CDH18: variants seen among roughly 807,000 people sequenced by gnomAD.
CDH18 encodes cadherin-18.
A neutral mutation model predicts 67.9 loss-of-function variants in CDH18; 31 were observed. That is an observed-to-expected ratio of 0.46 (90% CI 0.34 to 0.62). The LOEUF (loss-of-function observed/expected upper bound fraction) is 0.62, where lower values mean the gene tolerates loss of function less well. Ranked by LOEUF, CDH18 falls within the 20% of genes least tolerant of loss-of-function variation. The pLI is 0.01. For synonymous variants in CDH18, 362 were observed against 347.2 expected (o/e 1.04, Z -0.48); for missense variants, 890 against 975.5 (o/e 0.91, Z 1.17).
At chr5:19,719,933 GAAAGAAA>G (rs2150571951) in intron 5 of CDH18, among the ~76,000 whole-genome samples, 1 of 151,092 alleles carries the variant, frequency 6.6e-6, no homozygotes, top group East Asian at 1.9e-4. Context: ...AAGAAAGAAA[GAAAGAAA>G]GAAAGAAAGA....
chr5:20,151,303 T>G (rs1751078893), intron 2 of CDH18, among the ~76,000 whole-genome samples: 1 of 152,156 alleles, frequency 6.6e-6, no homozygotes, highest in Non-Finnish European at 1.5e-5. Flanking sequence ...CCATGTTTGC[T>G]GCAAAGAACA....
At chr5:19,560,056 G>A (rs1739181141) in intron 8 of CDH18, among the ~76,000 whole-genome samples, 2 of 151,834 alleles carry the variant, frequency 1.3e-5, no homozygotes, top group Admixed American at 1.3e-4. Flanking sequence ...CATAGATGGA[G>A]TCAATCAATA....
chr5:20,518,874 AT>A (rs1755542983), intron 1 of CDH18, among the ~76,000 whole-genome samples: 1 of 152,238 alleles, frequency 6.6e-6, no homozygotes, highest in Non-Finnish European at 1.5e-5. Context: ...AAGGATAAAG[AT>A]TAAATAGTTA....
intron 2 of CDH18, 46 bp from the exon 3 acceptor site, chr5:19,839,288 T>A (rs568382777): frequency 7.1e-5 from 24 of 335,712 alleles, no homozygotes; most frequent in African/African-American, 4.4e-4. Flanking sequence ...ACGGTTTTTT[T>A]AACTATTTGC....
At chr5:20,300,220 A>G (rs973794552) in intron 1 of CDH18, among the ~76,000 whole-genome samples, 7 of 151,958 alleles carry the variant, frequency 4.6e-5, no homozygotes, top group South Asian at 2.1e-4. Flanking sequence ...ATTCTCCCCA[A>G]TTTTGCTCAA....
intron 9 of CDH18, among the ~76,000 whole-genome samples, chr5:19,533,796 G>A (rs1386093700): frequency 6.6e-6 from 1 of 152,036 alleles, no homozygotes; most frequent in Non-Finnish European, 1.5e-5. Flanking sequence ...TATATAGGAT[G>A]GCACGGGAAT....
chr5:19,478,531 TTC>T (rs1432331033), intron 12 of CDH18: 1 of 152,192 alleles, frequency 6.6e-6, no homozygotes, highest in African/African-American at 2.4e-5. Flanking sequence ...TTCCATCTTC[TTC>T]TCTTAGTTCA....
intron 1 of CDH18, among the ~76,000 whole-genome samples, chr5:20,301,319 G>A (rs1316275876): frequency 6.6e-6 from 1 of 152,096 alleles, no homozygotes; most frequent in East Asian, 1.9e-4. Context: ...TTTAGTTTTA[G>A]AAAACAATTT....
At chr5:20,037,511 C>A (rs912551886) in intron 2 of CDH18, among the ~76,000 whole-genome samples, 1 of 152,110 alleles carries the variant, frequency 6.6e-6, no homozygotes, top group Non-Finnish European at 1.5e-5. Context: ...AACAGTCCCT[C>A]AGACCACAGT....
intron 3 of CDH18, among the ~76,000 whole-genome samples, chr5:19,836,131 A>T (rs1781596551): frequency 1.3e-5 from 2 of 152,198 alleles, no homozygotes; most frequent in Admixed American, 1.3e-4. Context: ...ATTTTAAGAA[A>T]TATGCATCAT....
chr5:19,551,966 A>T (rs1737528157), intron 8 of CDH18, among the ~76,000 whole-genome samples: 1 of 152,174 alleles, frequency 6.6e-6, no homozygotes, highest in Non-Finnish European at 1.5e-5. Flanking sequence ...TGGCCTCACA[A>T]GTGAATGAAT....
chr5:20,112,854 G>T (rs373774312), intron 2 of CDH18, among the ~76,000 whole-genome samples: 2 of 152,186 alleles, frequency 1.3e-5, no homozygotes, highest in East Asian at 3.9e-4. Flanking sequence ...GTACTTATGG[G>T]GGAATTTTAC....
At chr5:20,333,483 G>A (rs547619454) in intron 1 of CDH18, among the ~76,000 whole-genome samples, 33 of 143,690 alleles carry the variant, frequency 2.3e-4, no homozygotes, top group African/African-American at 8.4e-4. Flanking sequence ...CTCCAGCCTG[G>A]TGACAGAGCA....
intron 1 of CDH18, among the ~76,000 whole-genome samples, chr5:20,399,810 A>G (rs767081161): frequency 6.6e-6 from 1 of 152,178 alleles, no homozygotes; most frequent in Non-Finnish European, 1.5e-5. Flanking sequence ...GAGTGAAATT[A>G]TTATCTTCTT....
At chr5:19,844,125 G>A (rs1042517706) in intron 2 of CDH18, among the ~76,000 whole-genome samples, 31 of 152,134 alleles carry the variant, frequency 2.0e-4, no homozygotes, top group African/African-American at 7.0e-4. Context: ...GAAGAATTAA[G>A]ATTTTTCAGG....
chr5:20,367,661 T>C (rs1742637395), intron 1 of CDH18, among the ~76,000 whole-genome samples: 1 of 152,212 alleles, frequency 6.6e-6, no homozygotes. Flanking sequence ...GAAATATACA[T>C]AAAGGAAATG....
At chr5:20,049,250 C>T (rs570764046) in intron 2 of CDH18, among the ~76,000 whole-genome samples, 1 of 151,454 alleles carries the variant, frequency 6.6e-6, no homozygotes, top group South Asian at 2.1e-4. Flanking sequence ...AGCTAACGAC[C>T]ACTAGTTTAT....
chr5:20,485,273 C>A (rs1306536832), intron 1 of CDH18, among the ~76,000 whole-genome samples: 1 of 152,120 alleles, frequency 6.6e-6, no homozygotes, highest in African/African-American at 2.4e-5. Context: ...TGTTCTAAGA[C>A]TGACTAATGG....
At chr5:19,782,316 G>A (rs1190758027) in intron 3 of CDH18, among the ~76,000 whole-genome samples, 4 of 152,058 alleles carry the variant, frequency 2.6e-5, no homozygotes, top group Admixed American at 2.6e-4. Flanking sequence ...TATCATGAGG[G>A]GAGCATGGGA....
Sources: gnomAD v4.1 joint callset for allele counts (sites outside exome capture counted in the v4.1 genomes callset) on GRCh38, gnomAD v4.1.1 for gene constraint, MANE v1.5 for transcripts, NCBI Gene and HGNC (gene_info 2026-07-23, HGNC 2026-07-21) for gene names.